Variants in COL25A1 observed in about 807,000 individuals in gnomAD.
The protein encoded by COL25A1 is collagen alpha-1(XXV) chain.
COL25A1 carries 103 observed loss-of-function variants against 128.4 expected under a neutral mutation model. That is an observed-to-expected ratio of 0.80 (90% CI 0.68 to 0.94). The LOEUF (loss-of-function observed/expected upper bound fraction) is 0.94, where lower values mean the gene tolerates loss of function less well. Among genes scored for constraint, COL25A1 ranks in the 40% least tolerant of loss-of-function variants. COL25A1 has a pLI of 0.00. For missense variants in COL25A1, 745 were observed against 840.0 expected (o/e 0.89, Z 1.40); for synonymous variants, 279 against 277.2 (o/e 1.01, Z -0.06).
At chr4:108,955,534 A>T (rs1188319257) in intron 8 of COL25A1, among the ~76,000 whole-genome samples, 1 of 152,102 alleles carries the variant, frequency 6.6e-6, no homozygotes, top group Non-Finnish European at 1.5e-5. Flanking sequence ...TTCCTTCTTT[A>T]TGAATATCTT....
At chr4:108,980,818 G>A (rs765579263) in intron 6 of COL25A1, among the ~76,000 whole-genome samples, 15 of 152,182 alleles carry the variant, frequency 9.9e-5, no homozygotes, top group African/African-American at 1.4e-4. Flanking sequence ...TGTACAAGCC[G>A]TCCTCTAGGA....
At chr4:109,299,356 C>A (rs1725292210) in intron 3 of COL25A1, among the ~76,000 whole-genome samples, 1 of 152,182 alleles carries the variant, frequency 6.6e-6, no homozygotes, top group Non-Finnish European at 1.5e-5. Flanking sequence ...CCTACACTGT[C>A]AAAGGTTAAC....
At chr4:109,147,138 T>C (rs1421951961) in intron 3 of COL25A1, among the ~76,000 whole-genome samples, 1 of 152,264 alleles carries the variant, frequency 6.6e-6, no homozygotes, top group South Asian at 2.1e-4. Flanking sequence ...TTTCCCTAAT[T>C]GTAACCTGAG....
intron 3 of COL25A1, among the ~76,000 whole-genome samples, chr4:109,211,149 C>A (rs1407557249): frequency 6.6e-6 from 1 of 150,568 alleles, no homozygotes; most frequent in Non-Finnish European, 1.5e-5. Flanking sequence ...AGGTAACAAA[C>A]CTGCATTGCA....
intron 3 of COL25A1, among the ~76,000 whole-genome samples, chr4:109,288,413 T>C (rs188025465): frequency 4.2e-4 from 64 of 152,274 alleles, no homozygotes; most frequent in Non-Finnish European, 7.1e-4. Context: ...AAATATTTTC[T>C]TTTCTAATCA....
chr4:109,297,958 T>C (rs1725150363), intron 3 of COL25A1, among the ~76,000 whole-genome samples: 1 of 138,934 alleles, frequency 7.2e-6, no homozygotes, highest in Non-Finnish European at 1.5e-5. Flanking sequence ...TATTTAGTAC[T>C]AGATCCAGGA....
At chr4:108,881,793 G>A (rs1740158394) in intron 19 of COL25A1, among the ~76,000 whole-genome samples, 1 of 152,106 alleles carries the variant, frequency 6.6e-6, no homozygotes, top group Non-Finnish European at 1.5e-5. Context: ...TTTATAGTGA[G>A]CACTGACTAC....
intron 32 of COL25A1, among the ~76,000 whole-genome samples, chr4:108,829,048 C>T (rs777118962): frequency 5.9e-5 from 9 of 152,158 alleles, no homozygotes; most frequent in African/African-American, 1.4e-4. Flanking sequence ...TATTACTTTA[C>T]GGTTATTACC....
intron 8 of COL25A1, 51 bp from the exon 9 acceptor site, chr4:108,941,488 A>G: frequency 7.6e-7 from 1 of 1,317,366 alleles, no homozygotes; most frequent in Non-Finnish European, 1.1e-6. Flanking sequence ...GAGAGAGTTG[A>G]AGAATAGACA....
intron 26 of COL25A1, among the ~76,000 whole-genome samples, chr4:108,849,178 T>C (rs1202100143): frequency 1.3e-5 from 2 of 152,186 alleles, no homozygotes; most frequent in Non-Finnish European, 2.9e-5. Flanking sequence ...TCTGTATGAT[T>C]TCTCTCACTT....
At chr4:109,070,904 A>G (rs187887029) in intron 3 of COL25A1, among the ~76,000 whole-genome samples, 1 of 152,128 alleles carries the variant, frequency 6.6e-6, no homozygotes, top group Non-Finnish European at 1.5e-5. Flanking sequence ...CATGGTGTAT[A>G]TGTGCCACAT....
chr4:109,132,633 A>G (rs1769331903), intron 3 of COL25A1, among the ~76,000 whole-genome samples: 1 of 152,212 alleles, frequency 6.6e-6, no homozygotes, highest in Admixed American at 6.5e-5. Flanking sequence ...AAGAAAACAA[A>G]TTAAATTATA....
intron 3 of COL25A1, among the ~76,000 whole-genome samples, chr4:109,073,593 T>C (rs1057204031): frequency 2.6e-5 from 4 of 152,246 alleles, no homozygotes; most frequent in Non-Finnish European, 5.9e-5. Flanking sequence ...CTTTGGGATA[T>C]TGTAGCTTCA....
intron 6 of COL25A1, among the ~76,000 whole-genome samples, chr4:108,999,158 T>C (rs572341547): frequency 2.6e-5 from 4 of 152,006 alleles, no homozygotes; most frequent in African/African-American, 9.6e-5. Flanking sequence ...CAAAAGAAAC[T>C]ATCATCAGAG....
chr4:108,971,627 G>A (rs1333096538), intron 8 of COL25A1, among the ~76,000 whole-genome samples: 1 of 152,200 alleles, frequency 6.6e-6, no homozygotes. Flanking sequence ...GTGGAGGCAA[G>A]ACTAGTGTGA....
intron 3 of COL25A1, among the ~76,000 whole-genome samples, chr4:109,092,069 G>A (rs1026169144): frequency 7.2e-5 from 11 of 152,140 alleles, no homozygotes; most frequent in African/African-American, 2.7e-4. Context: ...AACTCAGCTT[G>A]GGATCATGAG....
intron 3 of COL25A1, among the ~76,000 whole-genome samples, chr4:109,211,290 C>CTA (rs753994624): frequency 0.064 from 6,400 of 99,804 alleles, 504 homozygotes; most frequent in Non-Finnish European, 0.11. Flanking sequence ...ATATATGAAA[C>CTA]TATATATATA....
At chr4:108,986,481 G>C (rs756608836) in intron 6 of COL25A1, among the ~76,000 whole-genome samples, 4 of 152,100 alleles carry the variant, frequency 2.6e-5, no homozygotes, top group Admixed American at 6.5e-5. Context: ...TCAATCTTCT[G>C]AATGTAACCT....
chr4:109,143,218 T>C (rs1770596626), intron 3 of COL25A1, among the ~76,000 whole-genome samples: 1 of 152,242 alleles, frequency 6.6e-6, no homozygotes, highest in South Asian at 2.1e-4. Context: ...TGTTTAAGAA[T>C]GTTGAATATT....
Sources: allele counts gnomAD v4.1 joint callset (sites outside exome capture counted in the v4.1 genomes callset), GRCh38; gene constraint gnomAD v4.1.1; transcripts MANE v1.5; gene names NCBI Gene and HGNC (gene_info 2026-07-23, HGNC 2026-07-21).